The following PREX2 variants were observed in gnomAD, a reference collection of about 807,000 sequenced individuals.
The protein encoded by PREX2 is phosphatidylinositol 3,4,5-trisphosphate-dependent Rac exchanger 2 protein.
PREX2 carries 107 observed loss-of-function variants against 203.2 expected under a neutral mutation model. That is an observed-to-expected ratio of 0.53 (90% CI 0.45 to 0.62). The LOEUF is 0.62. PREX2 is among the 20% of genes least tolerant of loss of function. The pLI is 0.00. For missense variants in PREX2, 1,777 were observed against 1,955.9 expected (o/e 0.91, Z 1.72); for synonymous variants, 672 against 663.6 (o/e 1.01, Z -0.19).
At chr8:68,210,009 T>C (rs1244428922) in intron 37 of PREX2, among the ~76,000 whole-genome samples, 1 of 152,208 alleles carries the variant, frequency 6.6e-6, no homozygotes, top group Non-Finnish European at 1.5e-5. Flanking sequence ...ATGTTATTAC[T>C]GTACAAAAGA....
chr8:67,975,553 C>T (rs1036621457), intron 1 of PREX2, among the ~76,000 whole-genome samples: 2 of 151,620 alleles, frequency 1.3e-5, no homozygotes, highest in Admixed American at 6.6e-5. Context: ...AAGAAGAAAA[C>T]GAGAGCAACA....
intron 1 of PREX2, among the ~76,000 whole-genome samples, chr8:68,011,215 T>A (rs889974134): frequency 6.6e-6 from 1 of 152,154 alleles, no homozygotes; most frequent in African/African-American, 2.4e-5. Context: ...TATTTTTGTT[T>A]TAGCTTTTTT....
At chr8:68,112,567 C>A (rs72660902) in intron 25 of PREX2, among the ~76,000 whole-genome samples, 12,235 of 152,084 alleles carry the variant, frequency 0.08, 649 homozygotes, top group Admixed American at 0.12. Flanking sequence ...AAATGTACAA[C>A]AAGAGGGGCA....
chr8:68,077,613 C>A, intron 15 of PREX2, 144 bp downstream of exon 15: 1 of 678,830 alleles, frequency 1.5e-6, no homozygotes. Context: ...CAGGTTGGGT[C>A]ACCACAACTG....
Position 68,093,623 on chromosome 8 carries a change from G to T in PREX2, c.2269G>T (p.Val757Phe). Residue 757 changes from valine (V) to phenylalanine (F), a missense_variant, in exon 21 of 40, where the codon GTT becomes TTT. Val to Phe is a conservative substitution (Grantham distance 50). Transcript: ENST00000288368. Reference protein sequence around the residue: ...RPTKQDSIQWVYNSIESAQED... With the variant: ...RPTKQDSIQWFYNSIESAQED... Reference sequence around the variant, plus strand: ...TTTCCAGCAAGATTCCATACAATGGGTTTATAATAGCATTGAGAGTGCTCA... The same window carrying T: ...TTTCCAGCAAGATTCCATACAATGGTTTTATAATAGCATTGAGAGTGCTCA... 1 of 1,597,354 alleles carries T rather than the reference G, an allele frequency of 6.3e-7. No homozygotes were observed. Among genetic ancestry groups the T allele is most frequent in the Non-Finnish European group, 8.6e-7 (1 of 1,166,430 alleles).
intron 1 of PREX2, among the ~76,000 whole-genome samples, chr8:67,958,607 T>C (rs909990718): frequency 6.6e-6 from 1 of 152,124 alleles, no homozygotes; most frequent in Non-Finnish European, 1.5e-5. Context: ...AGGTAAGAAA[T>C]GTGGAAAGTC....
chr8:68,135,743 A>C (rs1160356242), intron 32 of PREX2, among the ~76,000 whole-genome samples: 1 of 152,198 alleles, frequency 6.6e-6, no homozygotes, highest in African/African-American at 2.4e-5. Flanking sequence ...AAAATAAATG[A>C]AAACTTACAT....
At chr8:68,182,394 G>A (rs141847044) in intron 35 of PREX2, among the ~76,000 whole-genome samples, 248 of 152,148 alleles carry the variant, frequency 1.6e-3, no homozygotes, top group Non-Finnish European at 2.5e-3. Flanking sequence ...GGAGAGATTG[G>A]TAAGCATACT....
At chr8:68,129,969 T>C (rs894201489) in intron 31 of PREX2, among the ~76,000 whole-genome samples, 1 of 151,912 alleles carries the variant, frequency 6.6e-6, no homozygotes, top group East Asian at 1.9e-4. Context: ...TGTAGTTCTT[T>C]CTTATTCATA....
chr8:67,953,302 C>T (rs747106094), intron 1 of PREX2, among the ~76,000 whole-genome samples: 2 of 151,690 alleles, frequency 1.3e-5, no homozygotes, highest in Non-Finnish European at 1.5e-5. Context: ...TTATATTCCA[C>T]GTTTCTGCTT....
At chr8:68,018,886 C>T (rs1807483819) in intron 2 of PREX2, among the ~76,000 whole-genome samples, 1 of 152,170 alleles carries the variant, frequency 6.6e-6, no homozygotes, top group African/African-American at 2.4e-5. Flanking sequence ...GACTCTATTT[C>T]CCCATGAGTA....
intron 1 of PREX2, among the ~76,000 whole-genome samples, chr8:68,009,407 C>T (rs1563498013): frequency 6.6e-6 from 1 of 152,114 alleles, no homozygotes; most frequent in Non-Finnish European, 1.5e-5. Flanking sequence ...AAATTCCTGA[C>T]CAGCACAATA....
Position 68,233,304 on chromosome 8 carries a change from G to A in PREX2, c.*1926G>A, listed in dbSNP as rs1813203798. 1 of 152,140 alleles carries A rather than the reference G, an allele frequency of 6.6e-6. No homozygotes were observed. Among genetic ancestry groups the A allele is most frequent in the Admixed American group, 6.6e-5 (1 of 15,260 alleles). The allele number at this position is 152,140 out of a possible 1,614,324, so 9.4% of individuals were successfully genotyped here. ...CTGTTTTCTCATCACCATCCTGGAAGCAGTAATCCTCATTAGAGGCATGCA... is the reference window on the plus strand; with the variant it reads ...CTGTTTTCTCATCACCATCCTGGAAACAGTAATCCTCATTAGAGGCATGCA... On this transcript the variant is annotated 3_prime_UTR_variant, in exon 40 of 40. Coordinates refer to ENST00000288368, the MANE Select transcript of PREX2 (RefSeq NM_024870.4).
chr8:68,053,791 T>C lies in PREX2; in HGVS notation c.1093+545T>C, dbSNP rs148121388. ...TTAAAAATTGTTAGGTCTTTGAATA[T>C]AGTATAATGTAACCCAATTAGTTGC... On this transcript the variant is annotated intron_variant, in intron 9 of 39. Coordinates refer to ENST00000288368, the MANE Select transcript of PREX2 (RefSeq NM_024870.4). Among the ~76,000 whole-genome samples the C allele has an allele frequency of 5.5e-3, 836 of 152,316 alleles. 4 individuals carry two copies. Among genetic ancestry groups the C allele is most frequent in the Middle Eastern group, 0.02 (6 of 294 alleles).
At chr8:67,972,696 C>CT (rs1245344138) in intron 1 of PREX2, among the ~76,000 whole-genome samples, 2 of 152,178 alleles carry the variant, frequency 1.3e-5, no homozygotes, top group Non-Finnish European at 2.9e-5. Context: ...CAGTTACCCA[C>CT]TTTTTTTCTA....
chr8:68,076,346 A>T (rs897080881), intron 14 of PREX2, among the ~76,000 whole-genome samples: 1 of 152,048 alleles, frequency 6.6e-6, no homozygotes, highest in Non-Finnish European at 1.5e-5. Flanking sequence ...AGTCTCAGCT[A>T]CTCGGGAGGC....
In PREX2 at chr8:68,016,675, C is replaced by T. The variant is rs1360987980; in HGVS notation, c.142-1171C>T. Among the ~76,000 whole-genome samples the T allele has an allele frequency of 5.9e-5, 9 of 152,190 alleles. No individual in the cohort carries two copies. In the South Asian group the frequency reaches 6.2e-4, roughly 11 times the overall value. ...TCACCCAGACTGGAGTATAGTGGTG[C>T]GTGTGACTATGGCTCCCTGCAGCCT... On this transcript the variant is annotated intron_variant, in intron 1 of 39. Transcript: ENST00000288368.
At chr8:68,194,588 C>T (rs976637576) in intron 37 of PREX2, among the ~76,000 whole-genome samples, 9 of 149,706 alleles carry the variant, frequency 6.0e-5, no homozygotes, top group Non-Finnish European at 1.2e-4. Flanking sequence ...GTCAGGAGTT[C>T]GAGAGCAAAC....
intron 37 of PREX2, among the ~76,000 whole-genome samples, chr8:68,201,637 T>A (rs979357131): frequency 1.3e-5 from 2 of 152,144 alleles, no homozygotes; most frequent in African/African-American, 4.8e-5. Flanking sequence ...ATATTGAGGG[T>A]AGATCTGCCT....
Sources: allele counts gnomAD v4.1 joint callset (sites outside exome capture counted in the v4.1 genomes callset), GRCh38; gene constraint gnomAD v4.1.1; transcripts MANE v1.5; gene names NCBI Gene and HGNC (gene_info 2026-07-23, HGNC 2026-07-21).